The following CSMD1 variants were observed in gnomAD, a reference collection of about 807,000 sequenced individuals.
CSMD1 encodes the protein CUB and Sushi multiple domains 1.
Under a neutral mutation model 417.5 loss-of-function variants are expected in CSMD1, and 213 were observed. That is an observed-to-expected ratio of 0.51 (90% CI 0.46 to 0.57). CSMD1 has a LOEUF of 0.57. CSMD1 is among the 20% of genes least tolerant of loss of function. CSMD1 has a pLI of 0.00. For missense variants in CSMD1, 6,923 were observed against 4,529.7 expected, an observed-to-expected ratio of 1.53 and a Z score of -15.17; for synonymous variants, 2,862 against 1,736.8, an observed-to-expected ratio of 1.65 and a Z score of -16.11.
chr8:4,609,012 GAA>G (rs60439250), intron 2 of CSMD1, among the ~76,000 whole-genome samples: 4,991 of 138,268 alleles, frequency 0.036, 138 homozygotes, highest in African/African-American at 0.086. Flanking sequence ...CTTGAATGTA[GAA>G]AAAAAAAAAA....
At chr8:3,346,276 C>T (rs958635639) in intron 22 of CSMD1, among the ~76,000 whole-genome samples, 1 of 152,268 alleles carries the variant, frequency 6.6e-6, no homozygotes, top group East Asian at 1.9e-4. Context: ...TAATTTCCTT[C>T]CTTCCATTGC....
At chr8:3,388,977 G>T (rs5023366) in intron 17 of CSMD1, among the ~76,000 whole-genome samples, 71,387 of 151,426 alleles carry the variant, frequency 0.47, 17,202 homozygotes, top group African/African-American at 0.56. Context: ...ACTTCTTCCA[G>T]GACACTCCCA....
chr8:3,878,939 T>A (rs1007353462), intron 5 of CSMD1, among the ~76,000 whole-genome samples: 2 of 152,170 alleles, frequency 1.3e-5, no homozygotes, highest in African/African-American at 2.4e-5. Context: ...AGAAAATAAC[T>A]TTAATATATG....
Position 4,844,598 on chromosome 8 carries a change from T to C in CSMD1, c.85+149734A>G, listed in dbSNP as rs145067573. 2.0e-5 allele frequency among the ~76,000 whole-genome samples: 3 copies of C among 152,312 alleles called. No homozygotes were observed. In the East Asian group the frequency reaches 5.8e-4, roughly 29 times the overall value. ...CATTAAATGGACACAGATTGCTTTTTCTGTAACTCCATTTAATAAGCGTCT... is the reference window on the plus strand; with the variant it reads ...CATTAAATGGACACAGATTGCTTTTCCTGTAACTCCATTTAATAAGCGTCT... On this transcript the variant is annotated intron_variant, in intron 1 of 69. Coordinates refer to ENST00000635120, the MANE Select transcript of CSMD1 (RefSeq NM_033225.6).
At chr8:3,439,298 T>TATATAC (rs1347705541) in intron 12 of CSMD1, among the ~76,000 whole-genome samples, 2 of 59,776 alleles carry the variant, frequency 3.3e-5, no homozygotes, top group African/African-American at 9.5e-5. Flanking sequence ...TATATATATA[T>TATATAC]ATATATATAT....
rs146137629 is a variant in CSMD1 at position 4,482,527 on chromosome 8, G to A, written c.303-62462C>T. On this transcript the variant is annotated intron_variant, in intron 2 of 69. Coordinates refer to ENST00000635120, the MANE Select transcript of CSMD1 (RefSeq NM_033225.6). The stretch of plus-strand genomic sequence containing the variant: ...GCATTTAGGTTGACTCCATGTCTTT[G>A]CTATTGTGAATAGTGTTGCAATGAA... Among the ~76,000 whole-genome samples the A allele has an allele frequency of 2.6e-5, 4 of 152,252 alleles. No individual in the cohort carries two copies. In the East Asian group the frequency reaches 5.8e-4, roughly 22 times the overall value.
rs377349927 is a variant in CSMD1, at chr8:3,187,845, G to T, written c.5620+24C>A. 1.9e-5 allele frequency: 30 copies of T among 1,571,352 alleles called. 1 individual carries two copies. Among genetic ancestry groups the T allele is most frequent in the Non-Finnish European group, 2.6e-5 (30 of 1,143,108 alleles). ...TGTTTGCAGATTTTGAGTCACACAG[G>T]TGAGGAAATTGACTCCATCTTACCT... On this transcript the variant is annotated intron_variant, in intron 36 of 69. Transcript: ENST00000635120.
rs1198631019 is a variant in CSMD1 at position 4,750,066 on chromosome 8, G to C, written c.86-112508C>G. ...CTGTCGCCCAGGCTGGAGTGCAGTGGGCGATCTCGGCTCACCGCAAGCTCC... is the reference window on the plus strand; with the variant it reads ...CTGTCGCCCAGGCTGGAGTGCAGTGCGCGATCTCGGCTCACCGCAAGCTCC... On this transcript the variant is annotated intron_variant, in intron 1 of 69. Coordinates refer to ENST00000635120, the MANE Select transcript of CSMD1 (RefSeq NM_033225.6). Among the ~76,000 whole-genome samples the C allele has an allele frequency of 9.2e-5, 14 of 151,956 alleles. No individual in the cohort carries two copies. The South Asian group carries it at 2.7e-3, about 29-fold the overall frequency.
chr8:4,464,556 T>C lies in CSMD1; in HGVS notation c.303-44491A>G, dbSNP rs186870649. On this transcript the variant is annotated intron_variant, in intron 2 of 69. Transcript: ENST00000635120. Reference sequence around the variant, plus strand: ...ATTGAACTAAAAGTGAAAAGCAGAATGGTCGTATGGGTACTCAACGGGTGG... The same window carrying C: ...ATTGAACTAAAAGTGAAAAGCAGAACGGTCGTATGGGTACTCAACGGGTGG... Among the ~76,000 whole-genome samples, 181 of 152,312 alleles carry C rather than the reference T, an allele frequency of 1.2e-3. 1 individual carries two copies. In the Middle Eastern group the frequency reaches 0.031, roughly 26 times the overall value.
At chr8:4,770,143 G>A (rs993487727) in intron 1 of CSMD1, among the ~76,000 whole-genome samples, 1 of 150,648 alleles carries the variant, frequency 6.6e-6, no homozygotes, top group Non-Finnish European at 1.5e-5. Flanking sequence ...AGTACCAGAA[G>A]CAACATACAG....
chr8:3,032,611 A>G lies in CSMD1; in HGVS notation c.7661-3098T>C, dbSNP rs1810414977. Among the ~76,000 whole-genome samples, 5 of 152,178 alleles carry G rather than the reference A, an allele frequency of 3.3e-5. No homozygotes were observed. The South Asian group carries it at 1.0e-3, about 32-fold the overall frequency. ...TTTACAACCCCCAAACACCTACCCC[A>G]GTCTACTGATTCACATGCCTGTACG... is the stretch of plus-strand genomic sequence containing the variant. On this transcript the variant is annotated intron_variant, in intron 50 of 69. Coordinates refer to ENST00000635120, the MANE Select transcript of CSMD1 (RefSeq NM_033225.6).
chr8:4,311,131 C>G (rs1427273705), intron 3 of CSMD1, among the ~76,000 whole-genome samples: 1 of 152,158 alleles, frequency 6.6e-6, no homozygotes. Context: ...CCACTCAACC[C>G]AGCAATACCG....
chr8:3,744,855 C>G (rs1008935070), intron 6 of CSMD1, among the ~76,000 whole-genome samples: 1 of 152,128 alleles, frequency 6.6e-6, no homozygotes, highest in Non-Finnish European at 1.5e-5. Context: ...CTGATAAATG[C>G]TCATCACAGA....
At chr8:4,269,321 C>A (rs1012667210) in intron 3 of CSMD1, among the ~76,000 whole-genome samples, 7 of 152,142 alleles carry the variant, frequency 4.6e-5, no homozygotes, top group African/African-American at 1.7e-4. Context: ...GCACTGGCCT[C>A]CCCCAAAGTG....
chr8:3,271,622 C>T (rs1159624133), intron 26 of CSMD1, among the ~76,000 whole-genome samples: 13 of 152,078 alleles, frequency 8.5e-5, no homozygotes, highest in Non-Finnish European at 8.8e-5. Flanking sequence ...ATTGCCATTC[C>T]AACTGGTGTG....
chr8:4,451,368 C>A (rs1002890300), intron 2 of CSMD1, among the ~76,000 whole-genome samples: 3 of 152,156 alleles, frequency 2.0e-5, no homozygotes. Flanking sequence ...AAGGCAATCA[C>A]AAGTGTTTAT....
chr8:4,030,419 C>T (rs987328828), intron 4 of CSMD1, among the ~76,000 whole-genome samples: 7 of 152,236 alleles, frequency 4.6e-5, no homozygotes, highest in African/African-American at 1.4e-4. Context: ...CACATGGAAG[C>T]TGCCAAGGCT....
At chr8:4,125,839 A>T (rs1802732602) in intron 3 of CSMD1, among the ~76,000 whole-genome samples, 1 of 152,210 alleles carries the variant, frequency 6.6e-6, no homozygotes, top group African/African-American at 2.4e-5. Flanking sequence ...CCTGGTGTCC[A>T]GTCTGCTTTG....
At chr8:3,685,829 G>A (rs1799917478) in intron 7 of CSMD1, among the ~76,000 whole-genome samples, 1 of 151,962 alleles carries the variant, frequency 6.6e-6, no homozygotes, top group Admixed American at 6.6e-5. Context: ...TTTGACACAG[G>A]CATGCGACGT....
Sources: gnomAD v4.1 joint callset for allele counts (sites outside exome capture counted in the v4.1 genomes callset) on GRCh38, gnomAD v4.1.1 for gene constraint, MANE v1.5 for transcripts, NCBI Gene and HGNC (gene_info 2026-07-23, HGNC 2026-07-21) for gene names.